CACUL1: variants seen among roughly 807,000 people sequenced by gnomAD.
CACUL1 encodes CDK2-associated and cullin domain-containing protein 1.
In CACUL1, 13 loss-of-function variants were observed where a neutral mutation model predicts 45.2. The ratio of observed to expected loss-of-function variants is 0.29; its 90% confidence interval spans 0.19 to 0.46. The LOEUF (loss-of-function observed/expected upper bound fraction) is 0.46. CACUL1 is among the 20% of genes least tolerant of loss of function. The pLI, the probability that CACUL1 is intolerant of heterozygous loss-of-function variation, is 1.00. For missense variants in CACUL1, 421 were observed against 471.4 expected, an observed-to-expected ratio of 0.89 and a Z score of 0.99; for synonymous variants, 197 against 174.2, an observed-to-expected ratio of 1.13 and a Z score of -1.03.
intron 4 of CACUL1, among the ~76,000 whole-genome samples, chr10:118,703,169 A>G (rs187893436): frequency 6.3e-4 from 96 of 152,344 alleles, no homozygotes; most frequent in Non-Finnish European, 1.2e-3. Flanking sequence ...AACAGAAAGC[A>G]TGCAAAAGAG....
rs1207763062 is a variant in CACUL1, at chr10:118,685,612, T to C, written c.*516A>G. ...AGCATTTTCCTTTAACAAGACTTTC[T>C]AATGCTAAACAAAGACCAACTCTTT... is the stretch of plus-strand genomic sequence containing the variant. On this transcript the variant is annotated 3_prime_UTR_variant, in exon 9 of 9. Coordinates refer to ENST00000369151, the MANE Select transcript of CACUL1 (RefSeq NM_153810.5). 6.5e-6 allele frequency: 1 copy of C among 152,678 alleles called. No individual in the cohort carries two copies. Among genetic ancestry groups the C allele is most frequent in the African/African-American group, 2.4e-5 (1 of 41,456 alleles). 9.5% of individuals were successfully genotyped at this position (152,678 alleles called of 1,614,324 possible). A position where few individuals can be genotyped will look rare whatever the true frequency, so the allele number is the denominator to read the frequency against.
At chr10:118,700,204 G>A (rs1367706167) in intron 5 of CACUL1, among the ~76,000 whole-genome samples, 7 of 151,950 alleles carry the variant, frequency 4.6e-5, no homozygotes, top group Non-Finnish European at 1.0e-4. Context: ...CGCTAATTAC[G>A]GCTCAAAGGA....
At chr10:118,752,659 A>AT (rs1327438451) in intron 1 of CACUL1, among the ~76,000 whole-genome samples, 2 of 152,270 alleles carry the variant, frequency 1.3e-5, no homozygotes, top group East Asian at 1.9e-4. Context: ...TGAACTTGGT[A>AT]TTTTTTCTAT....
Position 118,695,692 on chromosome 10 carries a change from T to C in CACUL1, c.797-462A>G, listed in dbSNP as rs907367393. On this transcript the variant is annotated intron_variant, in intron 5 of 8. Transcript: ENST00000369151. ...GCTATAGCTACATCTACTATTTTCT[T>C]ACAAGAGCTAAGGGCAAGGGATGAT... is the stretch of plus-strand genomic sequence containing the variant. 1.3e-5 allele frequency among the ~76,000 whole-genome samples: 2 copies of C among 152,358 alleles called. 1 individual carries two copies. Among genetic ancestry groups the C allele is most frequent in the South Asian group, 4.1e-4 (2 of 4,834 alleles).
intron 8 of CACUL1, 29 bp downstream of exon 8, chr10:118,686,569 T>C (rs1174039690): frequency 1.9e-6 from 3 of 1,571,020 alleles, no homozygotes; most frequent in Non-Finnish European, 2.6e-6. Context: ...CACAGAACCA[T>C]CAAGATGGGA....
chr10:118,699,404 T>C (rs578100194), intron 5 of CACUL1, among the ~76,000 whole-genome samples: 1 of 152,366 alleles, frequency 6.6e-6, no homozygotes, highest in South Asian at 2.1e-4. Context: ...TCACCAGCTC[T>C]GGACTACTAT....
At chr10:118,734,944 G>A (rs530530269) in intron 1 of CACUL1, among the ~76,000 whole-genome samples, 1 of 152,280 alleles carries the variant, frequency 6.6e-6, no homozygotes, top group East Asian at 1.9e-4. Context: ...TTCATACCAG[G>A]CAAGAATAAA....
intron 1 of CACUL1, among the ~76,000 whole-genome samples, chr10:118,745,935 G>C (rs1017698628): frequency 6.7e-6 from 1 of 149,656 alleles, no homozygotes; most frequent in Admixed American, 6.7e-5. Flanking sequence ...TCAGGAGATC[G>C]AGACCATCCT....
At chr10:118,702,963 CTTAAT>C (rs1383326290) in intron 4 of CACUL1, among the ~76,000 whole-genome samples, 6 of 152,206 alleles carry the variant, frequency 3.9e-5, no homozygotes, top group Admixed American at 3.3e-4. Flanking sequence ...CTGATTCTCT[CTTAAT>C]TTAATTTAAA....
intron 1 of CACUL1, among the ~76,000 whole-genome samples, chr10:118,732,693 A>G (rs1845708613): frequency 2.0e-5 from 3 of 152,072 alleles, no homozygotes; most frequent in African/African-American, 4.8e-5. Context: ...CCAGCTGCCT[A>G]CAGTGGTGAC....
At chr10:118,717,781 T>C (rs531430461) in intron 3 of CACUL1, among the ~76,000 whole-genome samples, 1 of 152,278 alleles carries the variant, frequency 6.6e-6, no homozygotes, top group African/African-American at 2.4e-5. Context: ...CAGCACCTCC[T>C]CTCCAACTCT....
chr10:118,733,020 G>A (rs1045820181), intron 1 of CACUL1, among the ~76,000 whole-genome samples: 3 of 152,184 alleles, frequency 2.0e-5, no homozygotes, highest in Non-Finnish European at 2.9e-5. Context: ...AGTAACACCA[G>A]TAATTAACAT....
intron 1 of CACUL1, among the ~76,000 whole-genome samples, chr10:118,752,698 A>T (rs540229578): frequency 2.0e-4 from 30 of 152,238 alleles, no homozygotes; most frequent in Admixed American, 9.8e-4. Context: ...AAAAGAATTA[A>T]GTGTTAAAGT....
chr10:118,707,873 C>T (rs899374925), intron 3 of CACUL1, among the ~76,000 whole-genome samples: 4 of 152,014 alleles, frequency 2.6e-5, no homozygotes, highest in East Asian at 1.9e-4. Context: ...TAAGGCTGGG[C>T]GTGGTGGCTC....
intron 3 of CACUL1, among the ~76,000 whole-genome samples, chr10:118,709,961 A>C (rs1431011754): frequency 6.6e-6 from 1 of 151,918 alleles, no homozygotes; most frequent in Non-Finnish European, 1.5e-5. Flanking sequence ...GCTGGAGTGC[A>C]GTACCATGAT....
rs1315282891 is a variant in CACUL1 at position 118,677,176 on chromosome 10, A to G, written c.*8952T>C. 5 of 152,040 alleles carry G rather than the reference A, an allele frequency of 3.3e-5. No individual in the cohort carries two copies. The highest frequency in any genetic ancestry group is 2.9e-5 in the Non-Finnish European group (2 of 67,996). The allele number at this position is 152,040 out of a possible 1,614,324, so 9.4% of individuals were successfully genotyped here. On this transcript the variant is annotated 3_prime_UTR_variant, in exon 9 of 9. Transcript: ENST00000369151. Reference sequence around the variant, plus strand: ...TCTAAATTCTAAATTTGAGTTTTCTATTTTCTAAATTACCTTCCATTGACT... The same window carrying G: ...TCTAAATTCTAAATTTGAGTTTTCTGTTTTCTAAATTACCTTCCATTGACT...
Position 118,752,757 on chromosome 10 carries a change from G to A in CACUL1, c.367+1639C>T, listed in dbSNP as rs1845909912. Among the ~76,000 whole-genome samples the A allele has an allele frequency of 5.3e-5, 8 of 152,130 alleles. No homozygotes were observed. The South Asian group carries it at 1.7e-3, about 32-fold the overall frequency. ...TGGATGCAGAGCTTCTAAAAAGGGA[G>A]ATCTTTACCATTTCAGTTTATTAGT... On this transcript the variant is annotated intron_variant, in intron 1 of 8. Transcript: ENST00000369151.
intron 1 of CACUL1, among the ~76,000 whole-genome samples, chr10:118,730,925 G>A (rs568867934): frequency 2.0e-5 from 3 of 152,276 alleles, no homozygotes; most frequent in South Asian, 2.1e-4. Context: ...AAAACTTGCC[G>A]AGATTTACAA....
intron 1 of CACUL1, among the ~76,000 whole-genome samples, chr10:118,744,288 G>A (rs1169231696): frequency 2.0e-5 from 3 of 151,894 alleles, no homozygotes; most frequent in East Asian, 1.9e-4. Context: ...CAGGAGGCTG[G>A]GGCAGGAGCA....
Sources: gnomAD v4.1 joint callset for allele counts (sites outside exome capture counted in the v4.1 genomes callset) on GRCh38, gnomAD v4.1.1 for gene constraint, MANE v1.5 for transcripts, NCBI Gene and HGNC (gene_info 2026-07-23, HGNC 2026-07-21) for gene names.